CDK14: variants seen among roughly 807,000 people sequenced by gnomAD.
CDK14 encodes cyclin dependent kinase 14.
Under a neutral mutation model 60.7 loss-of-function variants are expected in CDK14, and 34 were observed. The observed-to-expected ratio is 0.56, with a 90% CI of 0.43 to 0.75. The LOEUF (loss-of-function observed/expected upper bound fraction) is 0.75. Ranked by LOEUF, CDK14 falls within the 30% of genes least tolerant of loss-of-function variation. The pLI is 0.00. For synonymous variants in CDK14, 197 were observed against 203.7 expected (o/e 0.97, Z 0.28); for missense variants, 482 against 564.1 (o/e 0.85, Z 1.47).
At chr7:91,124,088 A>G (rs1159722319) in intron 14 of CDK14, among the ~76,000 whole-genome samples, 1 of 151,926 alleles carries the variant, frequency 6.6e-6, no homozygotes, top group African/African-American at 2.4e-5. Flanking sequence ...GAGTCTCGCT[A>G]TGTTGTCTCA....
intron 5 of CDK14, among the ~76,000 whole-genome samples, chr7:90,807,016 G>A (rs1230737068): frequency 6.6e-6 from 1 of 152,214 alleles, no homozygotes; most frequent in Non-Finnish European, 1.5e-5. Flanking sequence ...AGGCCTGCCT[G>A]CCTCTGTAGA....
chr7:90,743,798 A>G (rs1022513384), intron 3 of CDK14, among the ~76,000 whole-genome samples: 2 of 151,854 alleles, frequency 1.3e-5, no homozygotes, highest in African/African-American at 2.4e-5. Context: ...CAATACTACT[A>G]TAGGTATTAT....
chr7:90,835,487 TGAATAC>T (rs1790064252), intron 5 of CDK14, among the ~76,000 whole-genome samples: 1 of 152,142 alleles, frequency 6.6e-6, no homozygotes, highest in Non-Finnish European at 1.5e-5. Flanking sequence ...TGCCAGGCTA[TGAATAC>T]AAATGCGCTT....
At chr7:90,880,646 G>A (rs1359583109) in intron 6 of CDK14, among the ~76,000 whole-genome samples, 2 of 152,096 alleles carry the variant, frequency 1.3e-5, no homozygotes, top group Non-Finnish European at 2.9e-5. Flanking sequence ...TCCAACGGGG[G>A]TAGTCAGACA....
chr7:90,800,546 G>A (rs1788600319), intron 5 of CDK14, among the ~76,000 whole-genome samples: 1 of 151,920 alleles, frequency 6.6e-6, no homozygotes, highest in Non-Finnish European at 1.5e-5. Context: ...CTTTTTTAAT[G>A]TTATAGCCTA....
intron 10 of CDK14, among the ~76,000 whole-genome samples, chr7:91,042,794 T>A (rs1055089591): frequency 1.3e-5 from 2 of 152,250 alleles, no homozygotes; most frequent in African/African-American, 4.8e-5. Flanking sequence ...ACATTCTTTT[T>A]CTTCTAACTT....
chr7:91,077,803 T>A (rs1335745703), intron 11 of CDK14, among the ~76,000 whole-genome samples: 2 of 150,052 alleles, frequency 1.3e-5, no homozygotes, highest in Non-Finnish European at 3.0e-5. Context: ...TACAAAAAAA[T>A]TCTATAAACT....
intron 4 of CDK14, among the ~76,000 whole-genome samples, chr7:90,753,667 G>C (rs1209007290): frequency 1.3e-5 from 2 of 152,060 alleles, no homozygotes; most frequent in African/African-American, 4.8e-5. Context: ...GAAATAAAAG[G>C]CATCCAAATA....
At chr7:90,948,642 G>A (rs1399437023) in intron 8 of CDK14, among the ~76,000 whole-genome samples, 1 of 152,138 alleles carries the variant, frequency 6.6e-6, no homozygotes, top group African/African-American at 2.4e-5. Flanking sequence ...TAGTGCATAA[G>A]CATCTATAGG....
chr7:90,838,915 G>A (rs138884717), intron 5 of CDK14, among the ~76,000 whole-genome samples: 9 of 152,190 alleles, frequency 5.9e-5, no homozygotes, highest in African/African-American at 2.2e-4. Context: ...TTTGAAACAT[G>A]TGATCTCTGT....
chr7:90,813,465 T>C (rs1789219642), intron 5 of CDK14, among the ~76,000 whole-genome samples: 1 of 152,198 alleles, frequency 6.6e-6, no homozygotes, highest in South Asian at 2.1e-4. Context: ...ATGACTGATC[T>C]GGCTGGGCGT....
chr7:91,068,364 A>C (rs189579924), intron 11 of CDK14, among the ~76,000 whole-genome samples: 11 of 152,352 alleles, frequency 7.2e-5, no homozygotes. Context: ...CTGACTGGTC[A>C]ATGCCTGTGC....
intron 11 of CDK14, among the ~76,000 whole-genome samples, chr7:91,056,380 T>A (rs1265444154): frequency 6.6e-6 from 1 of 152,160 alleles, no homozygotes; most frequent in East Asian, 1.9e-4. Context: ...AATCTGAATA[T>A]TCATATAAAT....
chr7:90,838,568 A>G (rs1000855001), intron 5 of CDK14, among the ~76,000 whole-genome samples: 1 of 152,164 alleles, frequency 6.6e-6, no homozygotes, highest in African/African-American at 2.4e-5. Context: ...TTATTTTCCC[A>G]GCAAGGAATA....
intron 8 of CDK14, among the ~76,000 whole-genome samples, chr7:90,947,524 TATAATACATTTAAAAC>T (rs1794136107): frequency 6.6e-6 from 1 of 152,240 alleles, no homozygotes; most frequent in Admixed American, 6.5e-5. Flanking sequence ...CATTAAATGA[TATAATACATTTAAAAC>T]CATTAGAGTA....
Position 91,091,282 on chromosome 7 carries a change from A to G in CDK14, c.1154+11802A>G, listed in dbSNP as rs1220861032. ...TTTATTTATTTATTTATATAAATAT[A>G]TATGTATATATTTTTATATATACAT... On this transcript the variant is annotated intron_variant, in intron 12 of 14. Coordinates refer to ENST00000380050, the MANE Select transcript of CDK14 (RefSeq NM_001287135.2). 8.3e-5 allele frequency among the ~76,000 whole-genome samples: 12 copies of G among 145,400 alleles called. No homozygotes were observed. The East Asian group carries it at 2.2e-3, about 26-fold the overall frequency.
intron 2 of CDK14, among the ~76,000 whole-genome samples, chr7:90,647,223 A>G (rs113307747): frequency 2.3e-4 from 35 of 152,308 alleles, no homozygotes; most frequent in African/African-American, 7.2e-4. Flanking sequence ...AGAGACTTGT[A>G]GAACCGTCTT....
chr7:91,132,016 G>GGTTGGTTC (rs1368713613), intron 14 of CDK14, among the ~76,000 whole-genome samples: 1 of 151,940 alleles, frequency 6.6e-6, no homozygotes, highest in Admixed American at 6.6e-5. Context: ...TTGGTTGGTT[G>GGTTGGTTC]GTTGGTTTTT....
intron 2 of CDK14, among the ~76,000 whole-genome samples, chr7:90,611,301 T>C (rs545548783): frequency 6.6e-6 from 1 of 152,336 alleles, no homozygotes; most frequent in African/African-American, 2.4e-5. Flanking sequence ...TTGACGTCAG[T>C]GTGGCTGACT....
Sources: allele counts gnomAD v4.1 joint callset (sites outside exome capture counted in the v4.1 genomes callset), GRCh38; gene constraint gnomAD v4.1.1; transcripts MANE v1.5; gene names NCBI Gene and HGNC (gene_info 2026-07-23, HGNC 2026-07-21).